PRIM2: variants seen among roughly 807,000 people sequenced by gnomAD.
PRIM2 encodes DNA primase large subunit.
PRIM2 carries 39 observed loss-of-function variants against 67.3 expected under a neutral mutation model. The observed-to-expected ratio is 0.58, with a 90% CI of 0.45 to 0.76. PRIM2 has a LOEUF of 0.76. Ranked by LOEUF, PRIM2 falls within the 30% of genes least tolerant of loss-of-function variation. The pLI, the probability that PRIM2 is intolerant of heterozygous loss-of-function variation, is 0.00. For missense variants in PRIM2, 398 were observed against 598.7 expected, an observed-to-expected ratio of 0.66 and a Z score of 3.50; for synonymous variants, 143 against 198.7, an observed-to-expected ratio of 0.72 and a Z score of 2.36.
intron 11 of PRIM2, among the ~76,000 whole-genome samples, chr6:57,604,296 T>C (rs1776522986): frequency 6.6e-6 from 1 of 152,196 alleles, no homozygotes; most frequent in South Asian, 2.1e-4. Context: ...GAAATGCTAC[T>C]GATTTTTGTA....
intron 12 of PRIM2, among the ~76,000 whole-genome samples, chr6:57,625,453 G>T (rs1159031890): frequency 2.6e-5 from 4 of 152,194 alleles, no homozygotes; most frequent in African/African-American, 9.7e-5. Context: ...AAGTTCCAAA[G>T]ATCACATTGC....
At chr6:57,376,320 A>G (rs1769763338) in intron 5 of PRIM2, among the ~76,000 whole-genome samples, 1 of 152,150 alleles carries the variant, frequency 6.6e-6, no homozygotes, top group South Asian at 2.1e-4. Context: ...GGCCATTTGT[A>G]TATTTTAACC....
intron 7 of PRIM2, among the ~76,000 whole-genome samples, chr6:57,478,928 C>A (rs1450434820): frequency 1.3e-5 from 2 of 152,206 alleles, no homozygotes; most frequent in African/African-American, 4.8e-5. Context: ...GGGCGAATCA[C>A]CTGAGGTCGG....
the PRIM2 span, among the ~76,000 whole-genome samples, chr6:57,300,618 T>C: frequency 1.3e-5 from 2 of 152,170 alleles, no homozygotes; most frequent in Non-Finnish European, 2.9e-5. Context: ...ATTAGTTGAC[T>C]CAAATGACCA....
At chr6:57,391,954 T>C (rs9396288) in intron 7 of PRIM2, among the ~76,000 whole-genome samples, 70 of 152,334 alleles carry the variant, frequency 4.6e-4, no homozygotes, top group African/African-American at 1.7e-3. Context: ...ATTATATAAA[T>C]TGCTTTGGGC....
In PRIM2 at chr6:57,414,919, A is replaced by G. The variant is rs1338194400; in HGVS notation, c.693+32751A>G. Reference sequence around the variant, plus strand: ...TCTAAAAGTCTTGAAGAGACTGAAGAAGTATTTTTCAAGTAATTAAAGAAA... The same window carrying G: ...TCTAAAAGTCTTGAAGAGACTGAAGGAGTATTTTTCAAGTAATTAAAGAAA... On this transcript the variant is annotated intron_variant, in intron 7 of 13. Transcript: ENST00000615550. 1.5e-3 allele frequency among the ~76,000 whole-genome samples: 232 copies of G among 152,286 alleles called. 1 individual carries two copies. The highest frequency in any genetic ancestry group is 3.4e-3 in the Middle Eastern group (1 of 294).
chr6:57,259,953 T>G, the PRIM2 span, among the ~76,000 whole-genome samples: 1 of 152,242 alleles, frequency 6.6e-6, no homozygotes, highest in Admixed American at 6.5e-5. Flanking sequence ...TATCCTAGCA[T>G]CAGAGCTTCC....
At chr6:57,398,028 C>T (rs1156992396) in intron 7 of PRIM2, among the ~76,000 whole-genome samples, 9 of 149,352 alleles carry the variant, frequency 6.0e-5, no homozygotes, top group South Asian at 4.2e-4. Flanking sequence ...GGCGTGATCT[C>T]GGCTCACTGC....
chr6:57,238,858 T>A, the PRIM2 span, among the ~76,000 whole-genome samples: 1 of 152,224 alleles, frequency 6.6e-6, no homozygotes, highest in African/African-American at 2.4e-5. Flanking sequence ...ATTTTCTGCT[T>A]AACAGCCTTG....
chr6:57,580,236 C>T (rs1189182686), intron 10 of PRIM2, among the ~76,000 whole-genome samples: 1 of 152,046 alleles, frequency 6.6e-6, no homozygotes, highest in Non-Finnish European at 1.5e-5. Flanking sequence ...GCAAGATCTC[C>T]TGTTTACAAA....
At chr6:57,292,980 T>C in the PRIM2 span, among the ~76,000 whole-genome samples, 3 of 152,126 alleles carry the variant, frequency 2.0e-5, no homozygotes, top group African/African-American at 7.2e-5. Flanking sequence ...AAAGCCAAAA[T>C]TGACAAATGG....
At chr6:57,644,679 G>A (rs1381282747) in intron 13 of PRIM2, among the ~76,000 whole-genome samples, 1 of 152,192 alleles carries the variant, frequency 6.6e-6, no homozygotes, top group African/African-American at 2.4e-5. Flanking sequence ...TCAGTACGAA[G>A]AGTGAGACGT....
chr6:57,586,570 G>A (rs1776191273), intron 10 of PRIM2, among the ~76,000 whole-genome samples: 2 of 152,174 alleles, frequency 1.3e-5, no homozygotes, highest in African/African-American at 4.8e-5. Flanking sequence ...TATATTCAGA[G>A]GTTTTTCTCA....
chr6:57,438,110 G>A lies in PRIM2; in HGVS notation c.693+55942G>A, dbSNP rs9475951. ...TCAACTTTGAAACATTTTCTGTGTCGTCTTTTGTTTAAAAGAATCAACTAA... is the reference window on the plus strand; with the variant it reads ...TCAACTTTGAAACATTTTCTGTGTCATCTTTTGTTTAAAAGAATCAACTAA... On this transcript the variant is annotated intron_variant, in intron 7 of 13. Transcript: ENST00000615550. Among the ~76,000 whole-genome samples, 765 of 127,104 alleles carry A rather than the reference G, an allele frequency of 6.0e-3. 5 individuals carry two copies. Among genetic ancestry groups the A allele is most frequent in the Middle Eastern group, 0.011 (3 of 282 alleles). 83.4% of individuals were successfully genotyped at this position (127,104 alleles called of 152,430 possible).
At chr6:57,456,578 C>A (rs1163290508) in intron 7 of PRIM2, among the ~76,000 whole-genome samples, 1 of 152,158 alleles carries the variant, frequency 6.6e-6, no homozygotes. Flanking sequence ...TTGATCGAAT[C>A]GGCTACTGAG....
the PRIM2 span, among the ~76,000 whole-genome samples, chr6:57,248,156 G>A: frequency 7.2e-5 from 11 of 152,184 alleles, no homozygotes; most frequent in African/African-American, 2.7e-4. Flanking sequence ...TATAATGGCA[G>A]AGAGTTGGTC....
At chr6:57,291,309 G>A in the PRIM2 span, among the ~76,000 whole-genome samples, 14 of 152,178 alleles carry the variant, frequency 9.2e-5, no homozygotes, top group African/African-American at 3.4e-4. Context: ...GGAAGAAGTT[G>A]AATCTTTGAA....
At chr6:57,494,540 T>A (rs1773963874) in intron 7 of PRIM2, among the ~76,000 whole-genome samples, 1 of 152,184 alleles carries the variant, frequency 6.6e-6, no homozygotes, top group South Asian at 2.1e-4. Flanking sequence ...GGGAACTGAT[T>A]TATATTTTTA....
At chr6:57,529,568 A>T (rs1442382936) in intron 8 of PRIM2, among the ~76,000 whole-genome samples, 1 of 152,186 alleles carries the variant, frequency 6.6e-6, no homozygotes, top group Non-Finnish European at 1.5e-5. Flanking sequence ...CAATTAATGG[A>T]ATGCATAGAA....
Sources: allele counts gnomAD v4.1 joint callset (sites outside exome capture counted in the v4.1 genomes callset), GRCh38; gene constraint gnomAD v4.1.1; transcripts MANE v1.5; gene names NCBI Gene and HGNC (gene_info 2026-07-23, HGNC 2026-07-21).